Variants in MID1 observed in about 807,000 individuals in gnomAD.
MID1 encodes midline 1.
MID1 carries 7 observed loss-of-function variants against 40.4 expected under a neutral mutation model. The ratio of observed to expected loss-of-function variants is 0.17; its 90% CI spans 0.10 to 0.33. The LOEUF (loss-of-function observed/expected upper bound fraction) is 0.33, where lower values mean the gene tolerates loss of function less well. Among genes scored for constraint, MID1 ranks in the 10% least tolerant of loss-of-function variants. The probability of loss-of-function intolerance (pLI) is 1.00; values close to 1 mark genes in which losing one functional copy is unlikely to be tolerated. For missense variants in MID1, 367 were observed against 558.5 expected (o/e 0.66, Z 3.46); for synonymous variants, 229 against 221.2 (o/e 1.04, Z -0.31).
chrX:10,706,426 A>T (rs1402088728), intron 1 of MID1, among the ~76,000 whole-genome samples: 2 of 110,806 alleles, frequency 1.8e-5, no homozygotes, highest in Admixed American at 1.9e-4. Flanking sequence ...ATGTCATGGG[A>T]GGGACCTGGT....
chrX:10,533,399 G>GA lies in MID1; in HGVS notation c.661-10213dup, dbSNP rs1569089963. On this transcript the variant is annotated intron_variant, in intron 2 of 9. Coordinates refer to ENST00000317552, the MANE Select transcript of MID1 (RefSeq NM_000381.4). ...AAGAAAAAGAAAGAAAGAAAAGAAA[G>GA]AAAGAAAGAAAGAAAGAAAGAAAGA... Among the ~76,000 whole-genome samples the GA allele has an allele frequency of 3.9e-3, 280 of 71,757 alleles. 1 individual carries two copies. The highest frequency in any genetic ancestry group is 0.013 in the East Asian group (27 of 2,080). The allele number at this position is 71,757 out of a possible 115,157, so 62.3% of individuals were successfully genotyped here. A position where few individuals can be genotyped will look rare whatever the true frequency, so the allele number is the denominator to read the frequency against.
chrX:10,448,672 G>A lies in MID1; in HGVS notation c.*696C>T, dbSNP rs1348077067. The stretch of plus-strand genomic sequence containing the variant: ...AGAACCCTTAACCCTGAGAGAAGCA[G>A]GGCAAAATGTGGCCAAAGGATTCAG... On this transcript the variant is annotated 3_prime_UTR_variant, in exon 10 of 10. Transcript: ENST00000317552. The A allele has an allele frequency of 8.9e-6, 1 of 111,950 alleles. No homozygotes were observed. The highest frequency in any genetic ancestry group is 1.9e-5 in the Non-Finnish European group (1 of 53,220). 9.2% of individuals were successfully genotyped at this position (111,950 alleles called of 1,213,427 possible).
intron 1 of MID1, among the ~76,000 whole-genome samples, chrX:10,630,535 C>CCA (rs1936041468): frequency 2.0e-5 from 2 of 101,541 alleles, no homozygotes; most frequent in African/African-American, 7.7e-5. Flanking sequence ...TGTATGTGTG[C>CCA]GGGGGGCGGG....
chrX:10,648,116 A>T (rs1429133372), intron 1 of MID1, among the ~76,000 whole-genome samples: 1 of 111,939 alleles, frequency 8.9e-6, no homozygotes, highest in Non-Finnish European at 1.9e-5. Context: ...AGTAAGAAAG[A>T]TTTCCACGAA....
At chrX:10,510,753 A>AC (rs1476368838) in intron 3 of MID1, among the ~76,000 whole-genome samples, 1 of 98,884 alleles carries the variant, frequency 1.0e-5, no homozygotes, top group African/African-American at 3.9e-5. Context: ...AATTGCTTGA[A>AC]CCCAGGAGGC....
intron 1 of MID1, among the ~76,000 whole-genome samples, chrX:10,594,185 T>G (rs1426108586): frequency 4.5e-5 from 5 of 112,008 alleles, no homozygotes; most frequent in Admixed American, 3.8e-4. Flanking sequence ...TACTATGTCT[T>G]GGGCACAAAT....
intron 1 of MID1, among the ~76,000 whole-genome samples, chrX:10,602,088 G>A (rs1045332492): frequency 2.8e-5 from 3 of 107,089 alleles, no homozygotes; most frequent in Non-Finnish European, 5.8e-5. Context: ...TAGTACAGAC[G>A]GGGTTTCACC....
In MID1 at chrX:10,704,739, T is replaced by TATATATATATAC. The variant is rs1233692170; in HGVS notation, c.-186-84321_-186-84320insGTATATATATAT. ...GTGTATATATATATATATATATATATACACACACACACACACACACACACA... is the reference window on the plus strand; with the variant it reads ...GTGTATATATATATATATATATATATATATATATATACACACACACACACACACACACACACA... On this transcript the variant is annotated intron_variant, in intron 1 of 10. Transcript: ENST00000380785. 8.0e-4 allele frequency among the ~76,000 whole-genome samples: 66 copies of TATATATATATAC among 82,183 alleles called. 1 individual carries two copies. The highest frequency in any genetic ancestry group is 3.0e-3 in the African/African-American group (56 of 18,917). The allele number at this position is 82,183 out of a possible 115,157, so 71.4% of individuals were successfully genotyped here.
chrX:10,549,672 T>C (rs972031494), intron 2 of MID1, among the ~76,000 whole-genome samples: 3 of 113,123 alleles, frequency 2.7e-5, no homozygotes, highest in African/African-American at 9.6e-5. Context: ...ATAAACTTTT[T>C]CCACCAAGTT....
intron 2 of MID1, among the ~76,000 whole-genome samples, chrX:10,533,372 GAAAGAA>G (rs1166734575): frequency 1.4e-4 from 7 of 49,650 alleles, no homozygotes; most frequent in Admixed American, 2.5e-4. Flanking sequence ...AAGAAAGAAA[GAAAGAA>G]AAAGAAAGAA....
chrX:10,765,963 GAAAGAAAGAA>G (rs2043723381), intron 1 of MID1, among the ~76,000 whole-genome samples: 1 of 98,663 alleles, frequency 1.0e-5, no homozygotes, highest in East Asian at 3.4e-4. Flanking sequence ...AAGAAAGAAA[GAAAGAAAGAA>G]AGAAAGAAAG....
chrX:10,465,208 TATATATACAC>T (rs1929284283), intron 7 of MID1, among the ~76,000 whole-genome samples: 3 of 65,108 alleles, frequency 4.6e-5, no homozygotes, highest in African/African-American at 2.5e-4. Flanking sequence ...TATATATATA[TATATATACAC>T]ACACACACAC....
At chrX:10,591,296 T>C (rs765385237) in intron 1 of MID1, among the ~76,000 whole-genome samples, 3 of 112,430 alleles carry the variant, frequency 2.7e-5, no homozygotes, top group Admixed American at 9.4e-5. Context: ...ATGGTAAAGA[T>C]ATGTTGGTTC....
At chrX:10,815,606 T>C (rs1478903154) in intron 1 of MID1, among the ~76,000 whole-genome samples, 1 of 112,316 alleles carries the variant, frequency 8.9e-6, no homozygotes, top group Non-Finnish European at 1.9e-5. Flanking sequence ...CAATGTTTAA[T>C]ATTTCTCCAG....
intron 4 of MID1, among the ~76,000 whole-genome samples, chrX:10,491,231 T>C (rs1363904530): frequency 4.5e-5 from 5 of 111,827 alleles, no homozygotes; most frequent in Middle Eastern, 9.1e-3. Flanking sequence ...AAGGCACTTT[T>C]TTTATTCACA....
At chrX:10,568,242 T>C (rs936838230) in intron 1 of MID1, among the ~76,000 whole-genome samples, 4 of 111,928 alleles carry the variant, frequency 3.6e-5, no homozygotes, top group African/African-American at 1.3e-4. Context: ...CAAAGATGAT[T>C]GTGATAGAGG....
intron 1 of MID1, among the ~76,000 whole-genome samples, chrX:10,575,666 A>G (rs968892634): frequency 1.8e-5 from 2 of 111,385 alleles, no homozygotes; most frequent in African/African-American, 6.5e-5. Context: ...GGGTTAGCAA[A>G]GGCACAGTAA....
In MID1 at chrX:10,529,810, T is replaced by TG. The variant is rs1446412539; in HGVS notation, c.661-6624_661-6623insC. Among the ~76,000 whole-genome samples, 381 of 112,275 alleles carry TG rather than the reference T, an allele frequency of 3.4e-3. 1 individual carries two copies. The highest frequency in any genetic ancestry group is 0.014 in the Middle Eastern group (3 of 218). On this transcript the variant is annotated intron_variant, in intron 2 of 9. Transcript: ENST00000317552. ...GTACTTGCTGTATACCCATCATTGC[T>TG]TAGTCCCTTCCCACCGTACACCCTT...
chrX:10,647,345 G>A (rs1936272251), intron 1 of MID1, among the ~76,000 whole-genome samples: 1 of 111,154 alleles, frequency 9.0e-6, no homozygotes, highest in African/African-American at 3.3e-5. Flanking sequence ...TCTATAGAAG[G>A]GGAATTGCTT....
Sources: gnomAD v4.1 joint callset for allele counts (sites outside exome capture counted in the v4.1 genomes callset) on GRCh38, gnomAD v4.1.1 for gene constraint, MANE v1.5 for transcripts, NCBI Gene and HGNC (gene_info 2026-07-23, HGNC 2026-07-21) for gene names.